VPS13A: variants seen among roughly 807,000 people sequenced by gnomAD.
The protein encoded by VPS13A is intermembrane lipid transfer protein VPS13A.
In VPS13A, 264 loss-of-function variants were observed where a neutral mutation model predicts 390.9. The observed-to-expected ratio is 0.68, with a 90% confidence interval of 0.61 to 0.75. The LOEUF is 0.75. VPS13A is among the 30% of genes least tolerant of loss of function. VPS13A has a pLI of 0.00. For missense variants in VPS13A, 3,409 were observed against 3,733.9 expected, an observed-to-expected ratio of 0.91 and a Z score of 2.27; for synonymous variants, 1,231 against 1,227.1, an observed-to-expected ratio of 1.00 and a Z score of -0.07.
In VPS13A at chr9:77,416,111, C is replaced by G. The variant is rs922651311; in HGVS notation, c.*105C>G. The G allele has an allele frequency of 3.7e-6, 5 of 1,336,890 alleles. No homozygotes were observed. Among genetic ancestry groups the G allele is most frequent in the Non-Finnish European group, 5.3e-6 (5 of 946,130 alleles). 82.8% of individuals were successfully genotyped at this position (1,336,890 alleles called of 1,614,324 possible). A position where few individuals can be genotyped will look rare whatever the true frequency, so the allele number is the denominator to read the frequency against. On this transcript the variant is annotated 3_prime_UTR_variant, in exon 72 of 72. Coordinates refer to ENST00000360280, the MANE Select transcript of VPS13A (RefSeq NM_033305.3). ...TATTACAGAAATGATTTCAAGTACC[C>G]TGTATTCTGGATGCTAAAAAACAAA...
chr9:77,314,715 A>G (rs370995505), intron 37 of VPS13A, 51 bp downstream of exon 37: 8 of 1,559,966 alleles, frequency 5.1e-6, no homozygotes, highest in African/African-American at 2.7e-5. Flanking sequence ...TCGTTGATAT[A>G]TTTTACAGAA....
intron 39 of VPS13A, 40 bp from the exon 40 acceptor site, chr9:77,317,566 T>C (rs772890350): frequency 1.4e-6 from 2 of 1,414,428 alleles, no homozygotes; most frequent in Non-Finnish European, 1.9e-6. Context: ...TATTTTTATA[T>C]TTAAACATTA....
chr9:77,195,053 T>G (rs532724297), intron 1 of VPS13A, among the ~76,000 whole-genome samples: 1 of 152,308 alleles, frequency 6.6e-6, no homozygotes, highest in Non-Finnish European at 1.5e-5. Flanking sequence ...CAAAATGCAG[T>G]GTCACAGAAC....
intron 23 of VPS13A, among the ~76,000 whole-genome samples, chr9:77,262,420 A>G (rs1825808606): frequency 2.0e-5 from 3 of 152,158 alleles, no homozygotes; most frequent in African/African-American, 7.2e-5. Context: ...CATTCCAAAA[A>G]TAGTGTAAAG....
At position 77,382,856 on chromosome 9, in the gene VPS13A, T is replaced by G. The variant is rs992005742; in HGVS notation, c.9189+769T>G. ...TAGACAGTTTGAAGTTAGAATCTGC[T>G]TAGACAACTTTCTTACTTGGTAAAT... On this transcript the variant is annotated intron_variant, in intron 68 of 71. Transcript: ENST00000360280. 56 of 985,458 alleles carry G rather than the reference T, an allele frequency of 5.7e-5. No individual in the cohort carries two copies. The African/African-American group carries it at 9.4e-4, about 17-fold the overall frequency. The allele number at this position is 985,458 out of a possible 1,614,324, so 61.0% of individuals were successfully genotyped here.
chr9:77,417,971 T>C lies in VPS13A; in HGVS notation c.*1965T>C, dbSNP rs1463762731. 1 of 152,176 alleles carries C rather than the reference T, an allele frequency of 6.6e-6. No homozygotes were observed. The highest frequency in any genetic ancestry group is 1.5e-5 in the Non-Finnish European group (1 of 68,032). The allele number at this position is 152,176 out of a possible 1,614,324, so 9.4% of individuals were successfully genotyped here. A position where few individuals can be genotyped will look rare whatever the true frequency, so the allele number is the denominator to read the frequency against. ...TCTCTAGACTAGAGGGACCCACAGT[T>C]TTAAGAGCTACATCATATCATTTGT... On this transcript the variant is annotated 3_prime_UTR_variant, in exon 72 of 72. Transcript: ENST00000360280.
chr9:77,408,375 G>C (rs1429744470), intron 71 of VPS13A, among the ~76,000 whole-genome samples: 1 of 152,228 alleles, frequency 6.6e-6, no homozygotes, highest in Non-Finnish European at 1.5e-5. Context: ...CGACACAGAA[G>C]ATGGGTCATT....
At chr9:77,200,177 T>C (rs1488213271) in intron 2 of VPS13A, among the ~76,000 whole-genome samples, 189 bp downstream of exon 2, 1 of 152,166 alleles carries the variant, frequency 6.6e-6, no homozygotes, top group East Asian at 1.9e-4. Flanking sequence ...TGTGATTTTT[T>C]TTCTATTTAA....
chr9:77,406,201 A>T (rs1370418783), intron 70 of VPS13A, among the ~76,000 whole-genome samples: 6 of 152,030 alleles, frequency 3.9e-5, no homozygotes, highest in Non-Finnish European at 1.5e-5. Flanking sequence ...TTGCACTGAC[A>T]ATAACATTCC....
At chr9:77,322,389 A>G (rs895442357) in intron 44 of VPS13A, among the ~76,000 whole-genome samples, 10 of 151,970 alleles carry the variant, frequency 6.6e-5, no homozygotes, top group Non-Finnish European at 1.3e-4. Flanking sequence ...CATTTAAGTA[A>G]TTATTGAGGA....
rs368126488 is a variant in VPS13A at position 77,317,643 on chromosome 9, A to G, written c.4901A>G (p.Gln1634Arg). The G allele has an allele frequency of 1.9e-6, 3 of 1,603,400 alleles. No homozygotes were observed. The highest frequency in any genetic ancestry group is 1.8e-4 in the Middle Eastern group (1 of 5,432). The change falls in exon 40 of 72, where the codon CAG (glutamine) becomes CGG (arginine). Residue 1634 changes from glutamine (Q) to arginine (R), a missense_variant. Gln to Arg is a conservative substitution (Grantham distance 43, BLOSUM62 1). Transcript: ENST00000360280. ...QPCDLFYQTT[Q>R]KGTDPQVIDM... ...TGTGACTTGTTTTATCAAACTACTC[A>G]GAAAGGTACAGATCCACAAGTGATC... is the stretch of plus-strand genomic sequence containing the variant.
rs775628563 is a variant in VPS13A, at chr9:77,407,619, A to C, written c.9474+12A>C. Reference sequence around the variant, plus strand: ...CAGAGGATGCCAGGGTAAATATAATAAATCTTTTATTTAAATAGGAGCTGC... The same window carrying C: ...CAGAGGATGCCAGGGTAAATATAATCAATCTTTTATTTAAATAGGAGCTGC... On this transcript the variant is annotated intron_variant, in intron 71 of 71. Transcript: ENST00000360280. 1 of 1,592,572 alleles carries C rather than the reference A, an allele frequency of 6.3e-7. No homozygotes were observed. The highest frequency in any genetic ancestry group is 1.1e-5 in the South Asian group (1 of 90,360).
intron 3 of VPS13A, 105 bp from the exon 4 acceptor site, chr9:77,205,208 C>T (rs1288178773): frequency 4.2e-6 from 2 of 476,484 alleles, no homozygotes; most frequent in East Asian, 3.4e-5. Flanking sequence ...AGGACAAAGG[C>T]CACTTTATTA....
At chr9:77,312,865 G>GCAGC (rs2131422819) in intron 35 of VPS13A, among the ~76,000 whole-genome samples, 1 of 152,248 alleles carries the variant, frequency 6.6e-6, no homozygotes, top group East Asian at 1.9e-4. Flanking sequence ...TACCACTTTG[G>GCAGC]CAAAGAATTT....
chr9:77,378,643 G>T (rs1185792244), intron 67 of VPS13A, among the ~76,000 whole-genome samples: 1 of 151,708 alleles, frequency 6.6e-6, no homozygotes, highest in Admixed American at 6.6e-5. Flanking sequence ...CCTTTTCAAA[G>T]AACCAGTTTT....
intron 23 of VPS13A, among the ~76,000 whole-genome samples, chr9:77,272,270 C>T (rs1587466827): frequency 6.6e-6 from 1 of 152,280 alleles, no homozygotes; most frequent in East Asian, 1.9e-4. Context: ...AACTGTGCTG[C>T]TGGTGTTAGT....
At position 77,227,377 on chromosome 9, in the gene VPS13A, T is replaced by C. The variant is rs1823576904; in HGVS notation, c.1358-14T>C. The C allele has an allele frequency of 1.3e-6, 2 of 1,590,300 alleles. No individual in the cohort carries two copies. Among genetic ancestry groups the C allele is most frequent in the Admixed American group, 1.7e-5 (1 of 59,902 alleles). ...TTTATTTAAGAACATAAAGCACTTCTTTCTGATTTGTAGCTCTTGAAGAAA... is the reference window on the plus strand; with the variant it reads ...TTTATTTAAGAACATAAAGCACTTCCTTCTGATTTGTAGCTCTTGAAGAAA... On this transcript the variant is annotated splice_polypyrimidine_tract_variant and intron_variant, in intron 15 of 71. Transcript: ENST00000360280.
At chr9:77,378,143 A>G (rs60415624) in intron 67 of VPS13A, among the ~76,000 whole-genome samples, 62,625 of 151,968 alleles carry the variant, frequency 0.41, 13,339 homozygotes, top group Admixed American at 0.5. Flanking sequence ...TTTGCCTGGT[A>G]TGGGTATCAG....
chr9:77,185,497 G>A (rs986532864), intron 1 of VPS13A, among the ~76,000 whole-genome samples: 2 of 152,118 alleles, frequency 1.3e-5, no homozygotes, highest in Non-Finnish European at 1.5e-5. Flanking sequence ...TATAGTTAGT[G>A]TCTGTTGGAG....
Sources: gnomAD v4.1 joint callset for allele counts (sites outside exome capture counted in the v4.1 genomes callset) on GRCh38, gnomAD v4.1.1 for gene constraint, MANE v1.5 for transcripts, NCBI Gene and HGNC (gene_info 2026-07-23, HGNC 2026-07-21) for gene names.